Variants in MAF observed in about 807,000 individuals in gnomAD.
MAF encodes MAF bZIP transcription factor, also known as transcription factor Maf.
MAF carries 10 observed loss-of-function variants against 22.0 expected under a neutral mutation model. The ratio of observed to expected loss-of-function variants is 0.45; its 90% CI spans 0.28 to 0.77. The LOEUF is 0.77. MAF is among the 30% of genes least tolerant of loss of function. The pLI is 0.12. For missense variants in MAF, 544 were observed against 548.4 expected, an observed-to-expected ratio of 0.99 and a Z score of 0.08; for synonymous variants, 337 against 255.8, an observed-to-expected ratio of 1.32 and a Z score of -3.03.
chr16:79,295,302 C>T, the MAF span, among the ~76,000 whole-genome samples: 6 of 152,022 alleles, frequency 3.9e-5, no homozygotes, highest in Admixed American at 1.3e-4. Flanking sequence ...ATGAATGATT[C>T]GTGAATCGGG....
the MAF span, among the ~76,000 whole-genome samples, chr16:79,319,978 T>C: frequency 1.3e-5 from 2 of 152,166 alleles, no homozygotes; most frequent in East Asian, 3.9e-4. Context: ...TATGCAGCTC[T>C]TAGGAGATTC....
chr16:79,355,708 A>T, the MAF span, among the ~76,000 whole-genome samples: 7 of 152,168 alleles, frequency 4.6e-5, no homozygotes, highest in African/African-American at 1.4e-4. Flanking sequence ...GTACAAAAAG[A>T]AATTCCCCTG....
chr16:79,487,352 T>C, the MAF span, among the ~76,000 whole-genome samples: 2 of 152,172 alleles, frequency 1.3e-5, no homozygotes, highest in Non-Finnish European at 2.9e-5. Flanking sequence ...CTCTTGGGTG[T>C]TGAGAATATT....
chr16:79,402,576 G>A, the MAF span, among the ~76,000 whole-genome samples: 1 of 152,358 alleles, frequency 6.6e-6, no homozygotes, highest in East Asian at 1.9e-4. Context: ...CAGGAGCAGG[G>A]CTGGCGTGCA....
chr16:79,203,511 T>C, the MAF span: 1 of 151,606 alleles, frequency 6.6e-6, no homozygotes, highest in Non-Finnish European at 1.5e-5. Flanking sequence ...TTTTTTTTTT[T>C]TCTTCAGTGC....
At chr16:79,272,087 C>G in the MAF span, among the ~76,000 whole-genome samples, 1 of 151,916 alleles carries the variant, frequency 6.6e-6, no homozygotes, top group African/African-American at 2.4e-5. Context: ...GGGGGGATGT[C>G]AATGGGGGTA....
chr16:79,479,021 C>T, the MAF span, among the ~76,000 whole-genome samples: 1 of 151,930 alleles, frequency 6.6e-6, no homozygotes, highest in African/African-American at 2.4e-5. Context: ...TGTGCACCAC[C>T]CCAGCGTATA....
chr16:79,257,329 A>AG, the MAF span, among the ~76,000 whole-genome samples: 1 of 152,182 alleles, frequency 6.6e-6, no homozygotes, highest in African/African-American at 2.4e-5. Flanking sequence ...CAGGGAGCTA[A>AG]GGTCTTTCTC....
chr16:79,478,690 G>A, the MAF span, among the ~76,000 whole-genome samples: 2 of 152,064 alleles, frequency 1.3e-5, no homozygotes. Context: ...GCATCTTTGT[G>A]TAGCATCCCA....
the MAF span, among the ~76,000 whole-genome samples, chr16:79,315,855 T>C: frequency 2.0e-5 from 3 of 152,204 alleles, no homozygotes; most frequent in East Asian, 1.9e-4. Flanking sequence ...AAAATTAAGA[T>C]AAAAAATTCC....
the MAF span, among the ~76,000 whole-genome samples, chr16:79,214,820 C>G: frequency 5.5e-5 from 8 of 144,454 alleles, no homozygotes; most frequent in Admixed American, 1.4e-4. Flanking sequence ...AAGCGATTCT[C>G]CTGCCCCATC....
chr16:79,316,828 T>C, the MAF span, among the ~76,000 whole-genome samples: 1 of 152,152 alleles, frequency 6.6e-6, no homozygotes, highest in East Asian at 1.9e-4. Context: ...CTCTCTGGGC[T>C]GGTTGCCAAC....
intron 1 of MAF, 75 bp downstream of exon 1, chr16:79,598,710 G>A: frequency 1.3e-6 from 2 of 1,598,698 alleles, no homozygotes; most frequent in Non-Finnish European, 1.7e-6. Flanking sequence ...TCTAGAACTA[G>A]CAAGCCCACA....
At chr16:79,298,583 T>C in the MAF span, among the ~76,000 whole-genome samples, 1 of 152,264 alleles carries the variant, frequency 6.6e-6, no homozygotes, top group East Asian at 1.9e-4. Flanking sequence ...TAAGAAGCAG[T>C]GGGCAGAAAT....
At chr16:79,531,418 G>A in the MAF span, among the ~76,000 whole-genome samples, 1 of 151,990 alleles carries the variant, frequency 6.6e-6, no homozygotes, top group African/African-American at 2.4e-5. Flanking sequence ...TTTTCCAGAT[G>A]ATTCAAACAC....
the MAF span, among the ~76,000 whole-genome samples, chr16:79,297,966 C>T: frequency 6.6e-6 from 1 of 152,234 alleles, no homozygotes; most frequent in African/African-American, 2.4e-5. Context: ...AAAACCTTCA[C>T]AAGTGATCTA....
chr16:79,491,680 C>G, the MAF span, among the ~76,000 whole-genome samples: 3 of 152,186 alleles, frequency 2.0e-5, no homozygotes, highest in Non-Finnish European at 2.9e-5. Flanking sequence ...CTGCTCCAGA[C>G]AAGTAAATTA....
the MAF span, among the ~76,000 whole-genome samples, chr16:79,334,603 A>C: frequency 6.6e-6 from 1 of 152,150 alleles, no homozygotes; most frequent in Non-Finnish European, 1.5e-5. Flanking sequence ...TCTTGCTAAA[A>C]AATTCTTAGG....
intron 1 of MAF, chr16:79,598,451 GGT>G: frequency 1.2e-6 from 1 of 809,402 alleles, no homozygotes; most frequent in South Asian, 1.9e-5. Flanking sequence ...GGGGCGGGGG[GGT>G]GTAAAAAAAA....
Sources: gnomAD v4.1 joint callset for allele counts (sites outside exome capture counted in the v4.1 genomes callset) on GRCh38, gnomAD v4.1.1 for gene constraint, MANE v1.5 for transcripts, NCBI Gene and HGNC (gene_info 2026-07-23, HGNC 2026-07-21) for gene names.